PPARG: variants seen among roughly 807,000 people sequenced by gnomAD.
PPARG encodes the protein peroxisome proliferator-activated receptor gamma.
Under a neutral mutation model 39.2 loss-of-function variants are expected in PPARG, and 17 were observed. The observed-to-expected ratio is 0.43, with a 90% CI of 0.30 to 0.65. PPARG has a LOEUF of 0.65. Among genes scored for constraint, PPARG ranks in the 30% least tolerant of loss-of-function variants. The pLI is 0.13. For synonymous variants in PPARG, 223 were observed against 215.7 expected, an observed-to-expected ratio of 1.03 and a Z score of -0.30; for missense variants, 406 against 585.9, an observed-to-expected ratio of 0.69 and a Z score of 3.17.
At chr3:12,346,910 G>A (rs7610055) in intron 2 of PPARG, among the ~76,000 whole-genome samples, 20,309 of 151,922 alleles carry the variant, frequency 0.13, 1,431 homozygotes, top group African/African-American at 0.17. Context: ...TGCTGGGATT[G>A]CAGGTGTGAG....
chr3:12,413,542 C>T (rs1456877921), intron 6 of PPARG, among the ~76,000 whole-genome samples: 1 of 151,956 alleles, frequency 6.6e-6, no homozygotes, highest in Admixed American at 6.6e-5. Flanking sequence ...GGCATGGTGG[C>T]TCATGCCTGT....
At chr3:12,370,228 T>G (rs9842021) in intron 2 of PPARG, among the ~76,000 whole-genome samples, 4,476 of 152,236 alleles carry the variant, frequency 0.029, 204 homozygotes, top group African/African-American at 0.1. Flanking sequence ...CTATTGATTT[T>G]CTAGCTTCCA....
chr3:12,414,564 C>T (rs766186972), intron 6 of PPARG, among the ~76,000 whole-genome samples: 1 of 152,122 alleles, frequency 6.6e-6, no homozygotes, highest in East Asian at 1.9e-4. Context: ...TCTCTAGGTT[C>T]TGTGAAAGCA....
intron 5 of PPARG, among the ~76,000 whole-genome samples, chr3:12,400,265 A>G (rs2125237423): frequency 6.6e-6 from 1 of 152,308 alleles, no homozygotes; most frequent in Admixed American, 6.5e-5. Context: ...TTTGTCTTTA[A>G]TGCTTCTACA....
chr3:12,412,181 G>A (rs1160461057), intron 6 of PPARG, among the ~76,000 whole-genome samples: 1 of 152,068 alleles, frequency 6.6e-6, no homozygotes, highest in Non-Finnish European at 1.5e-5. Flanking sequence ...TGTAAACTTA[G>A]GGCATTCATG....
intron 2 of PPARG, among the ~76,000 whole-genome samples, chr3:12,366,159 A>C (rs1383938515): frequency 6.6e-6 from 1 of 152,086 alleles, no homozygotes; most frequent in Non-Finnish European, 1.5e-5. Flanking sequence ...TCGGGGTGCT[A>C]ATGTAAAACA....
At chr3:12,297,922 G>A (rs1235859537) in intron 1 of PPARG, 2 of 152,020 alleles carry the variant, frequency 1.3e-5, no homozygotes, top group African/African-American at 4.8e-5. Flanking sequence ...AATAGCAGCT[G>A]ATGCAGATGC....
intron 7 of PPARG, among the ~76,000 whole-genome samples, chr3:12,426,805 G>A (rs1427148838): frequency 1.3e-5 from 2 of 152,194 alleles, no homozygotes; most frequent in Non-Finnish European, 2.9e-5. Context: ...TACCGCTACA[G>A]CTCCAATTGT....
chr3:12,357,852 T>C (rs1283741621), intron 2 of PPARG, among the ~76,000 whole-genome samples: 1 of 152,224 alleles, frequency 6.6e-6, no homozygotes, highest in African/African-American at 2.4e-5. Context: ...AGCCAAATCA[T>C]ATAGTCACTG....
At chr3:12,409,928 C>A (rs1360500124) in intron 6 of PPARG, among the ~76,000 whole-genome samples, 1 of 152,194 alleles carries the variant, frequency 6.6e-6, no homozygotes, top group Non-Finnish European at 1.5e-5. Context: ...TCCCTAGGGC[C>A]ACTTGCACCT....
intron 2 of PPARG, among the ~76,000 whole-genome samples, chr3:12,359,674 C>CTT (rs71628752): frequency 1.2e-4 from 15 of 129,840 alleles, no homozygotes; most frequent in South Asian, 2.5e-4. Context: ...TCTTTTATTT[C>CTT]TTTTTTTTTT....
intron 6 of PPARG, among the ~76,000 whole-genome samples, chr3:12,411,863 G>T (rs557940894): frequency 6.6e-6 from 1 of 152,100 alleles, no homozygotes; most frequent in Non-Finnish European, 1.5e-5. Flanking sequence ...TGTGTCAAAG[G>T]TGATGAAAGT....
intron 7 of PPARG, among the ~76,000 whole-genome samples, chr3:12,418,883 C>A (rs1242126061): frequency 6.6e-6 from 1 of 152,116 alleles, no homozygotes; most frequent in Non-Finnish European, 1.5e-5. Context: ...AGGGTCAAGT[C>A]GTGATTCACT....
intron 5 of PPARG, among the ~76,000 whole-genome samples, chr3:12,399,191 GA>G: frequency 6.6e-6 from 1 of 152,188 alleles, no homozygotes; most frequent in East Asian, 1.9e-4. Flanking sequence ...ATCAGAGATT[GA>G]GTTAGAAGGT....
At chr3:12,369,834 T>C (rs2049145990) in intron 2 of PPARG, among the ~76,000 whole-genome samples, 1 of 152,186 alleles carries the variant, frequency 6.6e-6, no homozygotes. Flanking sequence ...TCTTGCTATG[T>C]ACTCATCACT....
At chr3:12,409,025 A>G (rs547858644) in intron 6 of PPARG, among the ~76,000 whole-genome samples, 2 of 152,332 alleles carry the variant, frequency 1.3e-5, no homozygotes, top group African/African-American at 2.4e-5. Flanking sequence ...TATTTAAAGG[A>G]GAGGGCTGCG....
chr3:12,417,412 C>T (rs2051099972), intron 7 of PPARG, among the ~76,000 whole-genome samples: 1 of 152,150 alleles, frequency 6.6e-6, no homozygotes, highest in Non-Finnish European at 1.5e-5. Flanking sequence ...ATGCCCTCTT[C>T]TCCTTTTTCT....
chr3:12,384,246 AT>A (rs1439995752), intron 4 of PPARG, among the ~76,000 whole-genome samples: 38 of 152,270 alleles, frequency 2.5e-4, no homozygotes, highest in Admixed American at 2.5e-3. Flanking sequence ...TTTCAAAATA[AT>A]TTTAATATAC....
chr3:12,288,305 C>A (rs1046477259), upstream of PPARG, among the ~76,000 whole-genome samples: 1 of 151,786 alleles, frequency 6.6e-6, no homozygotes, highest in Admixed American at 6.6e-5. Flanking sequence ...GGCACCCGGG[C>A]TGAGGGTCGC....
Sources: allele counts gnomAD v4.1 joint callset (sites outside exome capture counted in the v4.1 genomes callset), GRCh38; gene constraint gnomAD v4.1.1; transcripts MANE v1.5; gene names NCBI Gene and HGNC (gene_info 2026-07-23, HGNC 2026-07-21).